ATG7: variants seen among roughly 807,000 people sequenced by gnomAD.
ATG7 encodes ubiquitin-like modifier-activating enzyme ATG7.
In ATG7, 70 loss-of-function variants were observed where a neutral mutation model predicts 82.4. The observed-to-expected ratio is 0.85, with a 90% CI of 0.70 to 1.04. The LOEUF is 1.04. Ranked by LOEUF, ATG7 falls within the 50% of genes least tolerant of loss-of-function variation. The pLI is 0.00. For synonymous variants in ATG7, 287 were observed against 313.0 expected, an observed-to-expected ratio of 0.92 and a Z score of 0.88; for missense variants, 792 against 864.3, an observed-to-expected ratio of 0.92 and a Z score of 1.05.
At chr3:11,520,959 C>A (rs923766626) in intron 20 of ATG7, among the ~76,000 whole-genome samples, 1 of 152,116 alleles carries the variant, frequency 6.6e-6, no homozygotes, top group Non-Finnish European at 1.5e-5. Flanking sequence ...TTAAGGCTGC[C>A]TATTAGCATC....
At chr3:11,326,097 G>A (rs868061811) in intron 9 of ATG7, among the ~76,000 whole-genome samples, 1 of 152,114 alleles carries the variant, frequency 6.6e-6, no homozygotes, top group African/African-American at 2.4e-5. Context: ...AGGAGAGAAA[G>A]GAACTTCCCC....
At chr3:11,444,580 G>A (rs976916431) in intron 20 of ATG7, among the ~76,000 whole-genome samples, 1 of 152,122 alleles carries the variant, frequency 6.6e-6, no homozygotes, top group African/African-American at 2.4e-5. Flanking sequence ...CTGGACCATG[G>A]ACTTAAATGT....
chr3:11,399,741 A>AT (rs754704512), intron 19 of ATG7, among the ~76,000 whole-genome samples: 1 of 152,090 alleles, frequency 6.6e-6, no homozygotes, highest in Non-Finnish European at 1.5e-5. Flanking sequence ...TGCCCAGCTA[A>AT]TTTTTTATTT....
At chr3:11,325,816 TCA>T (rs1453963670) in intron 9 of ATG7, among the ~76,000 whole-genome samples, 6 of 152,228 alleles carry the variant, frequency 3.9e-5, no homozygotes, top group African/African-American at 1.2e-4. Context: ...AAATTGTAAC[TCA>T]GTGTCTCTGT....
chr3:11,529,211 G>A (rs1156294226), intron 20 of ATG7, among the ~76,000 whole-genome samples: 1 of 152,188 alleles, frequency 6.6e-6, no homozygotes, highest in Non-Finnish European at 1.5e-5. Context: ...CCAGGTTGAA[G>A]AGTTGGGAGT....
At chr3:11,319,407 G>A (rs1047453591) in intron 9 of ATG7, among the ~76,000 whole-genome samples, 6 of 152,116 alleles carry the variant, frequency 3.9e-5, no homozygotes, top group Admixed American at 1.3e-4. Context: ...CCAGCACTTT[G>A]TTCCCTGAAA....
intron 19 of ATG7, among the ~76,000 whole-genome samples, chr3:11,401,140 G>T (rs183370517): frequency 6.6e-6 from 1 of 152,172 alleles, no homozygotes; most frequent in African/African-American, 2.4e-5. Flanking sequence ...CCCCGCCCCA[G>T]ACCTAATTAA....
intron 19 of ATG7, among the ~76,000 whole-genome samples, chr3:11,423,190 G>A (rs1451475724): frequency 6.6e-6 from 1 of 152,176 alleles, no homozygotes; most frequent in East Asian, 1.9e-4. Context: ...GAGGGAGAGA[G>A]ATGGAGGAAT....
chr3:11,396,060 T>A (rs2079240917), intron 19 of ATG7, among the ~76,000 whole-genome samples: 1 of 151,726 alleles, frequency 6.6e-6, no homozygotes, highest in Admixed American at 6.6e-5. Flanking sequence ...AAAGGACTTT[T>A]ATTGGGTCTT....
rs376924763 is a variant in ATG7 at position 11,333,117 on chromosome 3, G to T, written c.889+24G>T. ...AGGTAATTTGCCGGTCTTTGAAAAT[G>T]CATATAATTATCATTTATCAGAAAC... On this transcript the variant is annotated intron_variant, in intron 11 of 20. Coordinates refer to ENST00000693202, the MANE Select transcript of ATG7 (RefSeq NM_001349232.2). The T allele has an allele frequency of 2.0e-6, 3 of 1,529,298 alleles. No homozygotes were observed. The African/African-American group carries it at 4.3e-5, about 22-fold the overall frequency. The allele number at this position is 1,529,298 out of a possible 1,614,324, so 94.7% of individuals were successfully genotyped here.
intron 20 of ATG7, among the ~76,000 whole-genome samples, chr3:11,494,488 A>G (rs2153052786): frequency 6.6e-6 from 1 of 152,326 alleles, no homozygotes; most frequent in South Asian, 2.1e-4. Context: ...AATCATAAAC[A>G]TCGGTTCTAT....
intron 20 of ATG7, among the ~76,000 whole-genome samples, chr3:11,452,681 T>G (rs941892394): frequency 6.6e-6 from 1 of 152,136 alleles, no homozygotes. Context: ...AGATCCATAA[T>G]GAAGGCCATT....
chr3:11,418,051 T>A (rs1001511589), intron 19 of ATG7, among the ~76,000 whole-genome samples: 5 of 151,690 alleles, frequency 3.3e-5, no homozygotes, highest in Non-Finnish European at 7.4e-5. Context: ...AACCTCGTTA[T>A]CCACCCGCCT....
chr3:11,559,475 C>T (rs2072766726), downstream of ATG7: 1 of 1,541,282 alleles, frequency 6.5e-7, no homozygotes, highest in Non-Finnish European at 8.7e-7. Flanking sequence ...GGAGGGGTGT[C>T]AGTATGTGGA....
chr3:11,282,179 T>G lies in ATG7; in HGVS notation c.-256-14T>G, dbSNP rs912150948. The G allele has an allele frequency of 6.6e-6, 1 of 152,188 alleles. No homozygotes were observed. The highest frequency in any genetic ancestry group is 1.5e-5 in the Non-Finnish European group (1 of 68,046). The allele number at this position is 152,188 out of a possible 1,614,324, so 9.4% of individuals were successfully genotyped here. ...TCCCACATTTTCTCAGCTGTCACTG[T>G]CCCTCCCATGTAGGCTTCTCAAACC... On this transcript the variant is annotated splice_polypyrimidine_tract_variant and intron_variant, in intron 2 of 20. Coordinates refer to ENST00000693202, the MANE Select transcript of ATG7 (RefSeq NM_001349232.2).
chr3:11,506,756 C>T (rs1364326780), intron 20 of ATG7, among the ~76,000 whole-genome samples: 1 of 151,510 alleles, frequency 6.6e-6, no homozygotes, highest in Non-Finnish European at 1.5e-5. Context: ...CAAAACAAAG[C>T]AAAAAAATGC....
intron 18 of ATG7, among the ~76,000 whole-genome samples, chr3:11,375,651 C>G (rs2077363307): frequency 6.6e-6 from 1 of 152,208 alleles, no homozygotes; most frequent in Non-Finnish European, 1.5e-5. Context: ...CCTCTGCCTT[C>G]CGGTTTCAAG....
intron 20 of ATG7, among the ~76,000 whole-genome samples, chr3:11,539,980 G>C (rs1157424036): frequency 6.6e-6 from 1 of 152,224 alleles, no homozygotes; most frequent in East Asian, 1.9e-4. Context: ...CTGGTGAGCT[G>C]TTCTTGGGTT....
chr3:11,385,284 T>C (rs2078236990), intron 19 of ATG7, among the ~76,000 whole-genome samples: 1 of 152,162 alleles, frequency 6.6e-6, no homozygotes. Flanking sequence ...CACCTCGACC[T>C]CCCAAAGTGC....
Sources: gnomAD v4.1 joint callset for allele counts (sites outside exome capture counted in the v4.1 genomes callset) on GRCh38, gnomAD v4.1.1 for gene constraint, MANE v1.5 for transcripts, NCBI Gene and HGNC (gene_info 2026-07-23, HGNC 2026-07-21) for gene names.